The following ATG12 variants were observed in gnomAD, a reference collection of about 807,000 sequenced individuals.
ATG12 encodes autophagy related 12, also known as ubiquitin-like protein ATG12.
A neutral mutation model predicts 17.6 loss-of-function variants in ATG12; 19 were observed. The ratio of observed to expected loss-of-function variants is 1.08; its 90% CI spans 0.75 to 1.58. ATG12 has a LOEUF of 1.58. Ranked by LOEUF, ATG12 falls within the 40% of genes most tolerant of loss-of-function variation. ATG12 has a pLI of 0.00. For missense variants in ATG12, 214 were observed against 162.0 expected, an observed-to-expected ratio of 1.32 and a Z score of -1.74; for synonymous variants, 75 against 62.4, an observed-to-expected ratio of 1.20 and a Z score of -0.95.
chr5:115,832,937 G>T, intron 2 of ATG12: 1 of 281,028 alleles, frequency 3.6e-6, no homozygotes. Context: ...TTTACAAATA[G>T]CTTTTGAAGA....
Position 115,841,463 on chromosome 5 carries a change from G to A in ATG12, c.90C>T (p.Thr30=). The part of the protein sequence containing the change: ...EGLTDVSPET[T]TPEPPSSAAV... ...CAGCGGAAGACGGGGGCTCCGGGGT[G>A]GTTGTTTCTGGGGAGACATCCGTAA... The change falls in exon 1 of 4, where the codon ACC becomes ACT. Residue 30 remains threonine (T), a synonymous_variant. Coordinates refer to ENST00000509910, the MANE Select transcript of ATG12 (RefSeq NM_004707.4). 6.2e-7 allele frequency: 1 copy of A among 1,611,208 alleles called. No individual in the cohort carries two copies. The highest frequency in any genetic ancestry group is 8.5e-7 in the Non-Finnish European group (1 of 1,179,266).
Position 115,836,574 on chromosome 5 carries a change from G to A in ATG12, c.300+1054C>T, listed in dbSNP as rs2112725767. On this transcript the variant is annotated intron_variant, in intron 2 of 3. Coordinates refer to ENST00000509910, the MANE Select transcript of ATG12 (RefSeq NM_004707.4). ...CCCTGACAAAAAGAAATTCCAACAT[G>A]TCCTGCTTTAATGATAGTTCACTTG... Among the ~76,000 whole-genome samples the A allele has an allele frequency of 2.0e-5, 3 of 152,230 alleles. No homozygotes were observed. In the South Asian group the frequency reaches 6.2e-4, roughly 32 times the overall value.
At chr5:115,840,856 A>T (rs2112737099) in intron 1 of ATG12, 4 of 1,275,112 alleles carry the variant, frequency 3.1e-6, no homozygotes, top group Middle Eastern at 4.3e-4. Context: ...GGTAACATCT[A>T]TGCCTTTAGC....
At chr5:115,836,524 A>T (rs1437217228) in intron 2 of ATG12, among the ~76,000 whole-genome samples, 1 of 152,082 alleles carries the variant, frequency 6.6e-6, no homozygotes, top group East Asian at 1.9e-4. Flanking sequence ...CCAAACTCTT[A>T]GATCAGAGTC....
intron 1 of ATG12, 136 bp downstream of exon 1, chr5:115,841,254 C>T (rs188869449): frequency 1.7e-6 from 2 of 1,192,398 alleles, no homozygotes; most frequent in East Asian, 2.5e-5. Flanking sequence ...AAGTACACTT[C>T]TTTTCTTCTG....
At chr5:115,837,865 T>C in intron 1 of ATG12, 101 bp from the exon 2 acceptor site, 1 of 963,328 alleles carries the variant, frequency 1.0e-6, no homozygotes. Flanking sequence ...TCTACATCCA[T>C]CTTACGTATT....
At chr5:115,840,943 G>T in intron 1 of ATG12, 1 of 1,239,758 alleles carries the variant, frequency 8.1e-7, no homozygotes, top group Non-Finnish European at 1.1e-6. Flanking sequence ...AACTGGGAGG[G>T]GGAAAAAAGC....
chr5:115,829,610 GA>G lies in ATG12; in HGVS notation c.*2193del, dbSNP rs1760781358. 6.6e-6 allele frequency: 1 copy of G among 152,100 alleles called. No individual in the cohort carries two copies. The highest frequency in any genetic ancestry group is 2.4e-5 in the African/African-American group (1 of 41,432). The allele number at this position is 152,100 out of a possible 1,614,324, so 9.4% of individuals were successfully genotyped here. A position where few individuals can be genotyped will look rare whatever the true frequency, so the allele number is the denominator to read the frequency against. ...TTAATGACATCTATTTAGTCACAAA[GA>G]AAATTTAAAATATCACCTGAATGTT... On this transcript the variant is annotated 3_prime_UTR_variant, in exon 4 of 4. Transcript: ENST00000509910.
At chr5:115,838,048 T>C (rs1364588447) in intron 1 of ATG12, 1 of 253,182 alleles carries the variant, frequency 3.9e-6, no homozygotes, top group Non-Finnish European at 7.5e-6. Flanking sequence ...AATATTTAAG[T>C]TCACAAAAAG....
At chr5:115,834,297 C>G (rs1434220819) in intron 2 of ATG12, 1 of 152,144 alleles carries the variant, frequency 6.6e-6, no homozygotes, top group Non-Finnish European at 1.5e-5. Flanking sequence ...AAAAGCAATT[C>G]AGTTAGTTCA....
rs777382588 is a variant in ATG12, at chr5:115,841,461, G to A, written c.92C>T (p.Thr31Ile). 5.0e-6 allele frequency: 8 copies of A among 1,611,326 alleles called. No homozygotes were observed. In the South Asian group the frequency reaches 5.5e-5, roughly 11 times the overall value. Reference sequence around the variant, plus strand: ...TGCAGCGGAAGACGGGGGCTCCGGGGTGGTTGTTTCTGGGGAGACATCCGT... The same window carrying A: ...TGCAGCGGAAGACGGGGGCTCCGGGATGGTTGTTTCTGGGGAGACATCCGT... ...GLTDVSPETT[T>I]PEPPSSAAVS... is the part of the protein sequence containing the mutation. The change falls in exon 1 of 4, where the codon ACC becomes ATC. Residue 31 changes from threonine (T) to isoleucine (I), a missense_variant. Transcript: ENST00000509910.
At chr5:115,837,965 C>A in intron 1 of ATG12, 1 of 445,348 alleles carries the variant, frequency 2.2e-6, no homozygotes, top group Non-Finnish European at 3.8e-6. Flanking sequence ...CCCAACAGGA[C>A]TAATTTTTAA....
chr5:115,833,363 T>C (rs1760964421), intron 2 of ATG12: 1 of 152,012 alleles, frequency 6.6e-6, no homozygotes, highest in Non-Finnish European at 1.5e-5. Context: ...TAAAATGTCC[T>C]GGATTAAACT....
intron 1 of ATG12, chr5:115,840,898 A>ATTTGGTT (rs1332982109): frequency 7.8e-7 from 1 of 1,288,408 alleles, no homozygotes; most frequent in East Asian, 5.5e-5. Flanking sequence ...CTGCATAAGA[A>ATTTGGTT]TTTGGTTTTT....
At position 115,841,485 on chromosome 5, in the gene ATG12, G is replaced by GT. The variant is rs1761485232; in HGVS notation, c.67dup (p.Thr23AsnfsTer34). The GT allele has an allele frequency of 4.3e-6, 7 of 1,611,744 alleles. No homozygotes were observed. The highest frequency in any genetic ancestry group is 1.3e-5 in the African/African-American group (1 of 74,542). On this transcript the variant is annotated frameshift_variant, in exon 1 of 4. Transcript: ENST00000509910. LOFTEE classifies it high-confidence loss of function. ...GGTGGTTGTTTCTGGGGAGACATCC[G>GT]TAAGTCCTTCCCCTCCAGCAGCAAT...
In ATG12 at chr5:115,831,587, C is replaced by G. The variant is rs923891852; in HGVS notation, c.*217G>C. 3.6e-5 allele frequency: 22 copies of G among 603,154 alleles called. No individual in the cohort carries two copies. Among genetic ancestry groups the G allele is most frequent in the Middle Eastern group, 8.8e-4 (2 of 2,266 alleles). 37.4% of individuals were successfully genotyped at this position (603,154 alleles called of 1,614,324 possible). On this transcript the variant is annotated 3_prime_UTR_variant, in exon 4 of 4. Transcript: ENST00000509910. ...CAAGTAGGAGCAATGGGTGTACTATCATGACCATCTTTTATGATGACTGGT... is the reference window on the plus strand; with the variant it reads ...CAAGTAGGAGCAATGGGTGTACTATGATGACCATCTTTTATGATGACTGGT...
In ATG12 at chr5:115,830,521, A is replaced by G. The variant is rs1561448926; in HGVS notation, c.*1283T>C. 3 of 152,148 alleles carry G rather than the reference A, an allele frequency of 2.0e-5. No individual in the cohort carries two copies. Among genetic ancestry groups the G allele is most frequent in the Admixed American group, 1.3e-4 (2 of 15,286 alleles). 9.4% of individuals were successfully genotyped at this position (152,148 alleles called of 1,614,324 possible). On this transcript the variant is annotated 3_prime_UTR_variant, in exon 4 of 4. Coordinates refer to ENST00000509910, the MANE Select transcript of ATG12 (RefSeq NM_004707.4). ...GATCCTGTTTTGAAATTCCATTCAC[A>G]TTACATTCGATTTACTAGAATGCCT...
At chr5:115,836,732 A>G (rs1761118680) in intron 2 of ATG12, among the ~76,000 whole-genome samples, 1 of 152,216 alleles carries the variant, frequency 6.6e-6, no homozygotes, top group Admixed American at 6.5e-5. Flanking sequence ...AGTTAATACT[A>G]TCCAAGATTG....
At chr5:115,840,593 C>G in intron 1 of ATG12, 1 of 1,278,914 alleles carries the variant, frequency 7.8e-7, no homozygotes, top group Non-Finnish European at 1.0e-6. Context: ...CCACCGCGCC[C>G]GGCCAGAGAC....
Sources: gnomAD v4.1 joint callset for allele counts (sites outside exome capture counted in the v4.1 genomes callset) on GRCh38, gnomAD v4.1.1 for gene constraint, MANE v1.5 for transcripts, NCBI Gene and HGNC (gene_info 2026-07-23, HGNC 2026-07-21) for gene names.